The following FLT1 variants were observed in gnomAD, a reference collection of about 807,000 sequenced individuals.
FLT1 encodes the protein fms related receptor tyrosine kinase 1.
Under a neutral mutation model 156.3 loss-of-function variants are expected in FLT1, and 49 were observed. That is an observed-to-expected ratio of 0.31 (90% CI 0.25 to 0.40). FLT1 has a LOEUF of 0.40. Among genes scored for constraint, FLT1 ranks in the 10% least tolerant of loss-of-function variants. The probability of loss-of-function intolerance (pLI) is 1.00; values close to 1 mark genes in which losing one functional copy is unlikely to be tolerated. For synonymous variants in FLT1, 594 were observed against 583.8 expected (o/e 1.02, Z -0.25); for missense variants, 1,322 against 1,637.2 (o/e 0.81, Z 3.32).
intron 14 of FLT1, among the ~76,000 whole-genome samples, chr13:28,365,175 G>A (rs1873244204): frequency 6.6e-6 from 1 of 152,126 alleles, no homozygotes; most frequent in South Asian, 2.1e-4. Context: ...TTTCTTTTAT[G>A]TCATTTAATA....
At chr13:28,421,435 A>G (rs1455841025) in intron 10 of FLT1, among the ~76,000 whole-genome samples, 1 of 152,234 alleles carries the variant, frequency 6.6e-6, no homozygotes, top group East Asian at 1.9e-4. Context: ...GAGAATGAGC[A>G]TGCCTTCATT....
In FLT1 at chr13:28,357,249, ACT is replaced by A. The variant is rs987693582; in HGVS notation, c.2248+303_2248+304del. 5.7e-4 allele frequency among the ~76,000 whole-genome samples: 85 copies of A among 150,026 alleles called. 1 individual carries two copies. The highest frequency in any genetic ancestry group is 3.4e-3 in the Middle Eastern group (1 of 292). ...CTCACAGGTGTGGACTACTCTGGCC[ACT>A]CTCTGTGGCAGGGCGTAATAACACA... On this transcript the variant is annotated intron_variant, in intron 15 of 29. Transcript: ENST00000282397.
In FLT1 at chr13:28,322,987, C is replaced by T; in HGVS notation, c.2797-41G>A. The T allele has an allele frequency of 6.2e-7, 1 of 1,609,420 alleles. No homozygotes were observed. Among genetic ancestry groups the T allele is most frequent in the Non-Finnish European group, 8.5e-7 (1 of 1,175,838 alleles). On this transcript the variant is annotated intron_variant, in intron 20 of 29. Transcript: ENST00000282397. The surrounding 1 kb of genome is among the most constrained non-coding windows in gnomAD (Gnocchi z 4.3). ...AAAGGACCCAGGTGAAAAGGAGCTCCAGCACAGCAGTGGGAAACCAGTCCC... is the reference window on the plus strand; with the variant it reads ...AAAGGACCCAGGTGAAAAGGAGCTCTAGCACAGCAGTGGGAAACCAGTCCC...
At chr13:28,309,174 C>T (rs552953128) in intron 27 of FLT1, among the ~76,000 whole-genome samples, 4 of 152,124 alleles carry the variant, frequency 2.6e-5, no homozygotes, top group African/African-American at 4.8e-5. Flanking sequence ...TACTCTGGTC[C>T]GTTGTGAAAT....
intron 12 of FLT1, 180 bp downstream of exon 12, chr13:28,396,780 C>T (rs7990486): frequency 0.98 from 679,992 of 695,840 alleles, 332,786 homozygotes; most frequent in East Asian, 1. Context: ...GAAATAACTC[C>T]TTACGAGATC....
chr13:28,470,894 T>G (rs770382712), intron 1 of FLT1, among the ~76,000 whole-genome samples: 13 of 152,174 alleles, frequency 8.5e-5, no homozygotes, highest in Non-Finnish European at 4.4e-5. Context: ...TTTTGCCATG[T>G]TGGCCAGGTT....
intron 3 of FLT1, among the ~76,000 whole-genome samples, chr13:28,464,659 T>C (rs762622599): frequency 1.3e-5 from 2 of 152,258 alleles, no homozygotes; most frequent in African/African-American, 4.8e-5. Context: ...AAAGTCATGA[T>C]TGTTTGCCAG....
At chr13:28,398,999 C>G (rs1015173614) in intron 11 of FLT1, 1 of 1,329,190 alleles carries the variant, frequency 7.5e-7, no homozygotes, top group Admixed American at 2.0e-5. Context: ...ATAAAAAATT[C>G]TGAATAGCCA....
At chr13:28,361,021 G>A (rs1055114771) in intron 14 of FLT1, among the ~76,000 whole-genome samples, 2 of 152,154 alleles carry the variant, frequency 1.3e-5, no homozygotes, top group Admixed American at 6.5e-5. Context: ...GCTCATGCCT[G>A]TAATCCCAGC....
At chr13:28,430,291 T>C in intron 7 of FLT1, 124 bp from the exon 8 acceptor site, 1 of 723,554 alleles carries the variant, frequency 1.4e-6, no homozygotes, top group Non-Finnish European at 2.5e-6. Context: ...TGATAGAGCC[T>C]ATCAATGAGC....
At chr13:28,336,097 T>C (rs1872106358) in intron 17 of FLT1, among the ~76,000 whole-genome samples, 1 of 152,208 alleles carries the variant, frequency 6.6e-6, no homozygotes, top group Non-Finnish European at 1.5e-5. Context: ...CTAAGACCCT[T>C]GCATGTTTGG....
chr13:28,448,932 A>G (rs1319697675), intron 3 of FLT1, among the ~76,000 whole-genome samples: 1 of 152,106 alleles, frequency 6.6e-6, no homozygotes, highest in African/African-American at 2.4e-5. Flanking sequence ...CATCCAGTTT[A>G]GGCCACTCAC....
At position 28,421,925 on chromosome 13, in the gene FLT1, C is replaced by T. The variant is rs138897015; in HGVS notation, c.1436+5234G>A. On this transcript the variant is annotated intron_variant, in intron 10 of 29. Coordinates refer to ENST00000282397, the MANE Select transcript of FLT1 (RefSeq NM_002019.4). ...GCCAAGGTCACACAGAAGTCAGGGA[C>T]GGTGCCAAGAATAGAACTTGCTTCC... Among the ~76,000 whole-genome samples, 25 of 152,290 alleles carry T rather than the reference C, an allele frequency of 1.6e-4. No homozygotes were observed. The East Asian group carries it at 2.5e-3, about 15-fold the overall frequency.
At chr13:28,368,068 A>C in intron 14 of FLT1, 1 of 672,784 alleles carries the variant, frequency 1.5e-6, no homozygotes, top group Non-Finnish European at 1.8e-6. Context: ...GAATATAATA[A>C]AGGATCAGGC....
rs1593826833 is a variant in FLT1 at position 28,467,190 on chromosome 13, TTCC to T, written c.162-64_162-62del. 1.4e-5 allele frequency: 17 copies of T among 1,210,958 alleles called. No homozygotes were observed. In the East Asian group the frequency reaches 3.9e-4, roughly 28 times the overall value. The allele number at this position is 1,210,958 out of a possible 1,614,324, so 75.0% of individuals were successfully genotyped here. A position where few individuals can be genotyped will look rare whatever the true frequency, so the allele number is the denominator to read the frequency against. On this transcript the variant is annotated intron_variant, in intron 2 of 29. Transcript: ENST00000282397. ...GGCTGGGCCCTAGGCTCAGCACCAG[TTCC>T]TCAGCATTCATTTTATTAGGAAGCG...
rs536239359 is a variant in FLT1, at chr13:28,303,216, G to A, written c.3968C>T (p.Pro1323Leu). 6.2e-6 allele frequency: 10 copies of A among 1,613,296 alleles called. No homozygotes were observed. Among genetic ancestry groups the A allele is most frequent in the East Asian group, 4.5e-5 (2 of 44,860 alleles). Residue 1323 changes from proline (P) to leucine (L), a missense_variant, in exon 30 of 30, where the codon CCG (proline) becomes CTG (leucine). Around this residue, in one of 3 missense-constraint regions of FLT1, gnomAD observed 329 missense variants for 366.2 expected, o/e 0.90. Transcript: ENST00000282397. ...GACCACCGAGTTGTAGTCTGGGGGCGGGGAGCAGCACGCGATTTTCCTTTC... is the reference window on the plus strand; with the variant it reads ...GACCACCGAGTTGTAGTCTGGGGGCAGGGAGCAGCACGCGATTTTCCTTTC... ...ELERKIACCS[P>L]PPDYNSVVLY...
chr13:28,331,392 G>A (rs777091657), intron 18 of FLT1, among the ~76,000 whole-genome samples: 20 of 152,200 alleles, frequency 1.3e-4, no homozygotes, highest in Non-Finnish European at 7.3e-5. Flanking sequence ...TTTGCTCAAG[G>A]ACACTTTGAA....
chr13:28,417,249 A>T lies in FLT1; in HGVS notation c.1436+9910T>A, dbSNP rs118145742. Among the ~76,000 whole-genome samples, 95 of 152,264 alleles carry T rather than the reference A, an allele frequency of 6.2e-4. 1 individual carries two copies. In the East Asian group the frequency reaches 0.015, roughly 25 times the overall value. On this transcript the variant is annotated intron_variant, in intron 10 of 29. Coordinates refer to ENST00000282397, the MANE Select transcript of FLT1 (RefSeq NM_002019.4). ...TTGGTTTTTATTTTTTCTCAACCAA[A>T]TCTGATGAACCAACCACATTCATCT...
intron 10 of FLT1, among the ~76,000 whole-genome samples, chr13:28,407,258 A>G (rs1005521301): frequency 6.6e-6 from 1 of 152,144 alleles, no homozygotes; most frequent in Non-Finnish European, 1.5e-5. Flanking sequence ...TTAATTGTTT[A>G]TTATTATCAA....
Sources: gnomAD v4.1 joint callset for allele counts (sites outside exome capture counted in the v4.1 genomes callset) on GRCh38, gnomAD v4.1.1 for gene constraint, gnomAD v4.1.1 regional missense constraint, Gnocchi (gnomAD v3.1) non-coding constraint, MANE v1.5 for transcripts, NCBI Gene and HGNC (gene_info 2026-07-23, HGNC 2026-07-21) for gene names.